GRID2: variants seen among roughly 807,000 people sequenced by gnomAD.
The protein encoded by GRID2 is glutamate receptor ionotropic, delta-2.
In GRID2, 33 loss-of-function variants were observed where a neutral mutation model predicts 114.8. The observed-to-expected ratio is 0.29, with a 90% CI of 0.22 to 0.38. GRID2 has a LOEUF of 0.38. Among genes scored for constraint, GRID2 ranks in the 10% least tolerant of loss-of-function variants. The probability of loss-of-function intolerance (pLI) is 1.00; values close to 1 mark genes in which losing one functional copy is unlikely to be tolerated. For missense variants in GRID2, 1,184 were observed against 1,257.7 expected (o/e 0.94, Z 0.89); for synonymous variants, 505 against 449.9 (o/e 1.12, Z -1.55).
chr4:92,839,472 C>T lies in GRID2; in HGVS notation c.245-245523C>T, dbSNP rs141598037. ...TGTGATGTTCCCCTTCCTGTGTCCG[C>T]GTGTTCTCATTGTTTTTAAAATTAA... is the stretch of plus-strand genomic sequence containing the variant. On this transcript the variant is annotated intron_variant, in intron 2 of 15. Transcript: ENST00000282020. Among the ~76,000 whole-genome samples the T allele has an allele frequency of 5.6e-3, 795 of 142,798 alleles. 11 individuals carry two copies. Among genetic ancestry groups the T allele is most frequent in the African/African-American group, 0.02 (759 of 38,800 alleles). The allele number at this position is 142,798 out of a possible 152,430, so 93.7% of individuals were successfully genotyped here.
At chr4:93,069,913 T>G (rs545770247) in intron 2 of GRID2, among the ~76,000 whole-genome samples, 1 of 152,214 alleles carries the variant, frequency 6.6e-6, no homozygotes, top group South Asian at 2.1e-4. Context: ...AAGCAACAGA[T>G]TCTAGGCAAT....
chr4:92,951,301 T>C (rs925522913), intron 2 of GRID2, among the ~76,000 whole-genome samples: 2 of 151,968 alleles, frequency 1.3e-5, no homozygotes, highest in African/African-American at 2.4e-5. Context: ...TGTTGTTCTA[T>C]ATAAAATTGT....
intron 2 of GRID2, among the ~76,000 whole-genome samples, chr4:92,874,011 G>C (rs773164344): frequency 6.6e-6 from 1 of 152,068 alleles, no homozygotes; most frequent in African/African-American, 2.4e-5. Flanking sequence ...ACTGCGCCCG[G>C]CCTCCTCTAA....
intron 2 of GRID2, among the ~76,000 whole-genome samples, chr4:92,664,608 G>C (rs1560519392): frequency 1.3e-5 from 2 of 150,996 alleles, no homozygotes; most frequent in Non-Finnish European, 3.0e-5. Context: ...TCTTCTGTCT[G>C]GTTGTTCTCT....
At chr4:93,488,156 CT>C (rs1169418674) in intron 11 of GRID2, among the ~76,000 whole-genome samples, 1 of 151,832 alleles carries the variant, frequency 6.6e-6, no homozygotes, top group Non-Finnish European at 1.5e-5. Context: ...ATCTTTTAGT[CT>C]TTGGCTATCA....
chr4:92,463,512 T>G (rs1721597131), intron 1 of GRID2, among the ~76,000 whole-genome samples: 1 of 151,982 alleles, frequency 6.6e-6, no homozygotes, highest in Non-Finnish European at 1.5e-5. Context: ...CTCTGAGAAG[T>G]TTAAAAACAG....
intron 4 of GRID2, among the ~76,000 whole-genome samples, chr4:93,152,033 A>G (rs925323874): frequency 2.0e-5 from 3 of 152,180 alleles, no homozygotes; most frequent in Non-Finnish European, 2.9e-5. Flanking sequence ...AATACTGTGT[A>G]TAGATAAACA....
At chr4:92,691,089 T>A (rs577588384) in intron 2 of GRID2, among the ~76,000 whole-genome samples, 1 of 152,146 alleles carries the variant, frequency 6.6e-6, no homozygotes, top group South Asian at 2.1e-4. Context: ...TTTCTTCCCA[T>A]TAGGGTGGAG....
chr4:93,118,904 G>T (rs1490917836), intron 4 of GRID2, among the ~76,000 whole-genome samples: 1 of 152,158 alleles, frequency 6.6e-6, no homozygotes, highest in Non-Finnish European at 1.5e-5. Context: ...TTATAAGTTA[G>T]CATGCAAAGT....
rs78962550 is a variant in GRID2, at chr4:92,602,678, A to T, written c.244+12392A>T. On this transcript the variant is annotated intron_variant, in intron 2 of 15. Transcript: ENST00000282020. ...ATGCCCTGTCTCACGACTCCTATTC[A>T]ACATAGTGTTGGAAGTTCTGGCCAG... 8.3e-4 allele frequency among the ~76,000 whole-genome samples: 127 copies of T among 152,300 alleles called. 2 individuals carry two copies. The East Asian group carries it at 0.022, about 27-fold the overall frequency.
At chr4:92,644,885 G>C (rs926249917) in intron 2 of GRID2, among the ~76,000 whole-genome samples, 3 of 151,318 alleles carry the variant, frequency 2.0e-5, no homozygotes, top group African/African-American at 7.3e-5. Flanking sequence ...ATGTGCAACA[G>C]ATATGTTATG....
At chr4:92,485,334 ATATATATATATATAGT>A (rs1266351894) in intron 1 of GRID2, among the ~76,000 whole-genome samples, 2,232 of 102,542 alleles carry the variant, frequency 0.022, 44 homozygotes, top group Non-Finnish European at 0.028. Context: ...ATATATATAT[ATATATATATATATAGT>A]GTGTGTGTGT....
chr4:93,039,344 G>A (rs185947276), intron 2 of GRID2, among the ~76,000 whole-genome samples: 331 of 152,194 alleles, frequency 2.2e-3, no homozygotes, highest in Non-Finnish European at 3.2e-3. Flanking sequence ...GGGAGGGATA[G>A]CATTAGGAGA....
At chr4:93,342,990 C>T in intron 8 of GRID2, among the ~76,000 whole-genome samples, 1 of 152,042 alleles carries the variant, frequency 6.6e-6, no homozygotes, top group East Asian at 1.9e-4. Context: ...ATCAGATTTT[C>T]TGTAGTATTT....
At chr4:92,348,605 A>AC (rs1727900827) in intron 1 of GRID2, among the ~76,000 whole-genome samples, 2 of 152,158 alleles carry the variant, frequency 1.3e-5, no homozygotes, top group South Asian at 4.1e-4. Flanking sequence ...GCTAGGTGTA[A>AC]ATGAAAGAAA....
At chr4:93,507,067 G>C (rs768321047) in intron 12 of GRID2, among the ~76,000 whole-genome samples, 2 of 152,102 alleles carry the variant, frequency 1.3e-5, no homozygotes, top group Non-Finnish European at 2.9e-5. Flanking sequence ...TTTTAAAATA[G>C]GAAACTTAGT....
intron 1 of GRID2, among the ~76,000 whole-genome samples, chr4:93,781,207 A>G (rs1342753699): frequency 1.3e-5 from 2 of 152,220 alleles, no homozygotes; most frequent in Admixed American, 1.3e-4. Flanking sequence ...CATTGGGAGC[A>G]TGAATGATGA....
chr4:92,308,464 C>G (rs183691695), intron 1 of GRID2, among the ~76,000 whole-genome samples: 1 of 152,066 alleles, frequency 6.6e-6, no homozygotes, highest in Admixed American at 6.5e-5. Context: ...TGCATTTATT[C>G]ATGTTTTTCT....
At chr4:92,414,952 T>G (rs1317934197) in intron 1 of GRID2, among the ~76,000 whole-genome samples, 1 of 152,124 alleles carries the variant, frequency 6.6e-6, no homozygotes, top group African/African-American at 2.4e-5. Context: ...TTTTCATTCA[T>G]GTTGGTATCT....
Sources: allele counts gnomAD v4.1 joint callset (sites outside exome capture counted in the v4.1 genomes callset), GRCh38; gene constraint gnomAD v4.1.1; transcripts MANE v1.5; gene names NCBI Gene and HGNC (gene_info 2026-07-23, HGNC 2026-07-21).